Variants in CADM2 observed in about 807,000 individuals in gnomAD.
The protein encoded by CADM2 is immunoglobulin superfamily member 4D.
In CADM2, 12 loss-of-function variants were observed where a neutral mutation model predicts 49.8. The ratio of observed to expected loss-of-function variants is 0.24; its 90% CI spans 0.15 to 0.39. The LOEUF (loss-of-function observed/expected upper bound fraction) is 0.39. Among genes scored for constraint, CADM2 ranks in the 10% least tolerant of loss-of-function variants. The probability of loss-of-function intolerance (pLI) is 1.00; values close to 1 mark genes in which losing one functional copy is unlikely to be tolerated. For missense variants in CADM2, 378 were observed against 492.3 expected (o/e 0.77, Z 2.20); for synonymous variants, 214 against 175.4 (o/e 1.22, Z -1.74).
At chr3:85,482,556 A>G (rs1261106489) in intron 1 of CADM2, among the ~76,000 whole-genome samples, 2 of 151,754 alleles carry the variant, frequency 1.3e-5, no homozygotes, top group African/African-American at 4.8e-5. Flanking sequence ...GAATAAGGCA[A>G]ACTGCAACTG....
intron 1 of CADM2, among the ~76,000 whole-genome samples, chr3:85,181,678 C>T (rs1458318377): frequency 6.6e-6 from 1 of 151,838 alleles, no homozygotes; most frequent in East Asian, 1.9e-4. Context: ...GCATTTACTT[C>T]ATTCACTATT....
chr3:85,790,130 T>C (rs1420247825), intron 2 of CADM2, among the ~76,000 whole-genome samples: 1 of 152,180 alleles, frequency 6.6e-6, no homozygotes, highest in East Asian at 1.9e-4. Flanking sequence ...ATGTATTTTA[T>C]ATAGAAATAA....
At chr3:85,590,930 T>A (rs917956633) in intron 1 of CADM2, among the ~76,000 whole-genome samples, 4 of 151,810 alleles carry the variant, frequency 2.6e-5, no homozygotes, top group African/African-American at 9.7e-5. Context: ...GAAACTCATT[T>A]TTTTTTTGCC....
chr3:85,028,109 T>A (rs2107315535), intron 1 of CADM2, among the ~76,000 whole-genome samples: 1 of 152,348 alleles, frequency 6.6e-6, no homozygotes, highest in African/African-American at 2.4e-5. Flanking sequence ...TATGTGGGTT[T>A]CCCATTCATC....
At position 86,037,402 on chromosome 3, in the gene CADM2, G is replaced by A. The variant is rs376865627; in HGVS notation, c.971-28203G>A. Among the ~76,000 whole-genome samples the A allele has an allele frequency of 3.4e-3, 516 of 152,232 alleles. 6 individuals carry two copies. The highest frequency in any genetic ancestry group is 0.014 in the Middle Eastern group (4 of 294). On this transcript the variant is annotated intron_variant, in intron 8 of 9. Coordinates refer to ENST00000383699, the MANE Select transcript of CADM2 (RefSeq NM_001167675.2). ...TAATAACAGTTTATCCACATGTGCC[G>A]TTTAACACTTCAGAGATGACAGCAG...
rs546300804 is a variant in CADM2, at chr3:84,999,706, A to G, written c.61+40038A>G. 2.0e-5 allele frequency among the ~76,000 whole-genome samples: 3 copies of G among 152,302 alleles called. No individual in the cohort carries two copies. In the East Asian group the frequency reaches 5.8e-4, roughly 29 times the overall value. On this transcript the variant is annotated intron_variant, in intron 1 of 9. Transcript: ENST00000383699. ...GCTCAAATTTTTTAGTGCTCTGCAC[A>G]TGTCGGCAAATGACCATGAAAGCAC... is the stretch of plus-strand genomic sequence containing the variant.
chr3:85,171,715 A>T (rs556674585), intron 1 of CADM2, among the ~76,000 whole-genome samples: 1 of 152,216 alleles, frequency 6.6e-6, no homozygotes, highest in Admixed American at 6.5e-5. Context: ...ATAATTTTGT[A>T]TGTACAGTTG....
At chr3:85,147,243 C>A (rs978743619) in intron 1 of CADM2, among the ~76,000 whole-genome samples, 1 of 133,084 alleles carries the variant, frequency 7.5e-6, no homozygotes, top group East Asian at 2.3e-4. Context: ...CCACAGCACT[C>A]CAAGCCTGGG....
chr3:85,124,727 G>C (rs2038971293), intron 1 of CADM2, among the ~76,000 whole-genome samples: 1 of 152,046 alleles, frequency 6.6e-6, no homozygotes, highest in Non-Finnish European at 1.5e-5. Flanking sequence ...TACCTAAAAG[G>C]TGCTCAGAGT....
At chr3:84,963,986 TG>T (rs2030770884) in intron 1 of CADM2, among the ~76,000 whole-genome samples, 1 of 152,130 alleles carries the variant, frequency 6.6e-6, no homozygotes, top group African/African-American at 2.4e-5. Flanking sequence ...ATCAGACAAT[TG>T]GTAATTAAGA....
intron 3 of CADM2, among the ~76,000 whole-genome samples, chr3:85,857,316 A>G (rs2075354944): frequency 6.6e-6 from 1 of 152,158 alleles, no homozygotes. Flanking sequence ...GTCAAAATAA[A>G]CAAGCTAAGG....
chr3:85,117,488 T>C (rs1359855048), intron 1 of CADM2, among the ~76,000 whole-genome samples: 1 of 152,170 alleles, frequency 6.6e-6, no homozygotes, highest in Non-Finnish European at 1.5e-5. Context: ...AATTATGGAT[T>C]AGTGTAAAAA....
chr3:85,620,868 A>G (rs2063954210), intron 1 of CADM2, among the ~76,000 whole-genome samples: 1 of 152,126 alleles, frequency 6.6e-6, no homozygotes, highest in African/African-American at 2.4e-5. Context: ...TTAACCAAGT[A>G]TCTCTAAAAC....
intron 5 of CADM2, among the ~76,000 whole-genome samples, chr3:85,904,748 G>C (rs886928284): frequency 6.6e-6 from 1 of 151,922 alleles, no homozygotes; most frequent in Admixed American, 6.6e-5. Flanking sequence ...ATACTCATAC[G>C]TTTTCACGAT....
At chr3:85,270,974 T>C (rs2043229315) in intron 1 of CADM2, among the ~76,000 whole-genome samples, 1 of 151,384 alleles carries the variant, frequency 6.6e-6, no homozygotes, top group Admixed American at 6.6e-5. Context: ...GTTTTCTTGC[T>C]TGTGTTTTTC....
chr3:86,001,707 C>G (rs1283241386), intron 8 of CADM2, among the ~76,000 whole-genome samples: 1 of 152,050 alleles, frequency 6.6e-6, no homozygotes, highest in Non-Finnish European at 1.5e-5. Context: ...ATTAAAAATT[C>G]TGCAGTAGGA....
intron 8 of CADM2, among the ~76,000 whole-genome samples, chr3:86,042,883 G>T (rs1314502051): frequency 1.3e-5 from 2 of 152,124 alleles, no homozygotes; most frequent in East Asian, 1.9e-4. Flanking sequence ...TATCCAGCAT[G>T]ATCAAGTGGG....
chr3:85,644,391 CTGGG>C (rs2064823699), intron 1 of CADM2, among the ~76,000 whole-genome samples: 1 of 152,104 alleles, frequency 6.6e-6, no homozygotes, highest in African/African-American at 2.4e-5. Flanking sequence ...TACAGCCACA[CTGGG>C]GTTTAGGGCT....
intron 1 of CADM2, among the ~76,000 whole-genome samples, chr3:85,294,122 A>G (rs1304720327): frequency 4.6e-5 from 7 of 151,962 alleles, no homozygotes; most frequent in Non-Finnish European, 1.0e-4. Context: ...TACAAAAATC[A>G]CAAGCATTCT....
Sources: gnomAD v4.1 joint callset for allele counts (sites outside exome capture counted in the v4.1 genomes callset) on GRCh38, gnomAD v4.1.1 for gene constraint, MANE v1.5 for transcripts, NCBI Gene and HGNC (gene_info 2026-07-23, HGNC 2026-07-21) for gene names.